Variants in DMBT1 observed in about 807,000 individuals in gnomAD.
The protein encoded by DMBT1 is scavenger receptor cysteine-rich domain-containing protein DMBT1.
In DMBT1, 198 loss-of-function variants were observed where a neutral mutation model predicts 252.9. That is an observed-to-expected ratio of 0.78 (90% CI 0.70 to 0.88). DMBT1 has a LOEUF of 0.88. DMBT1 is among the 40% of genes least tolerant of loss of function. The pLI, the probability that DMBT1 is intolerant of heterozygous loss-of-function variation, is 0.00. For missense variants in DMBT1, 2,432 were observed against 2,404.7 expected, an observed-to-expected ratio of 1.01 and a Z score of -0.24; for synonymous variants, 990 against 942.7, an observed-to-expected ratio of 1.05 and a Z score of -0.92.
In DMBT1 at chr10:122,630,384, C is replaced by T. The variant is rs1188497512; in HGVS notation, c.5919C>T (p.Thr1973=). Residue 1973 remains threonine, a synonymous_variant, in exon 48 of 56, where the codon ACC becomes ACT. Coordinates refer to ENST00000338354, the MANE Select transcript of DMBT1 (RefSeq NM_001377530.1). ...TGCTGGGGAAAATCTGTAATGATAC[C>T]AGGCAAATATTTACATCTTCTTACA... is the stretch of plus-strand genomic sequence containing the variant. ...SLLLGKICND[T]RQIFTSSYNR... The T allele has an allele frequency of 1.9e-6, 3 of 1,613,954 alleles. No homozygotes were observed. Among genetic ancestry groups the T allele is most frequent in the Non-Finnish European group, 1.7e-6 (2 of 1,179,870 alleles).
At chr10:122,630,071 G>T in intron 47 of DMBT1, 78 bp downstream of exon 47, 1 of 1,575,136 alleles carries the variant, frequency 6.3e-7, no homozygotes, top group South Asian at 1.2e-5. Context: ...GTCCTGGGCT[G>T]GGATGCTTTT....
intron 5 of DMBT1, among the ~76,000 whole-genome samples, chr10:122,572,848 G>C (rs1466171698): frequency 6.6e-6 from 1 of 152,128 alleles, no homozygotes; most frequent in African/African-American, 2.4e-5. Context: ...TGGGACTTAA[G>C]ACATAAATGT....
At chr10:122,619,436 T>G (rs2098039496) in intron 42 of DMBT1, 99 bp downstream of exon 42, 7 of 1,498,606 alleles carry the variant, frequency 4.7e-6, no homozygotes, top group Admixed American at 1.7e-5. Flanking sequence ...GTGCGGATAC[T>G]GTGGGGCATA....
chr10:122,599,387 C>G (rs886602692), intron 26 of DMBT1, among the ~76,000 whole-genome samples: 1 of 152,156 alleles, frequency 6.6e-6, no homozygotes, highest in African/African-American at 2.4e-5. Context: ...CATTTCTCCC[C>G]TGCTGAGTAG....
chr10:122,641,007 A>G (rs1399729962), intron 55 of DMBT1, among the ~76,000 whole-genome samples: 1 of 152,188 alleles, frequency 6.6e-6, no homozygotes, highest in Non-Finnish European at 1.5e-5. Context: ...TGGATGTGGC[A>G]CTGAGCACAG....
At chr10:122,625,127 AC>A (rs2098108155) in intron 44 of DMBT1, 149 bp from the exon 45 acceptor site, 16 of 738,214 alleles carry the variant, frequency 2.2e-5, no homozygotes, top group South Asian at 1.9e-4. Flanking sequence ...TTTGAGACTA[AC>A]CGTTAAGGTT....
At chr10:122,640,512 C>T (rs1380471788) in intron 55 of DMBT1, 63 bp downstream of exon 55, 5 of 1,509,268 alleles carry the variant, frequency 3.3e-6, no homozygotes, top group South Asian at 1.3e-5. Context: ...ATGAGTAGCC[C>T]CAAAGGCTTG....
At chr10:122,626,079 C>A (rs2098117090) in intron 46 of DMBT1, 114 bp downstream of exon 46, 3 of 843,088 alleles carry the variant, frequency 3.6e-6, no homozygotes, top group African/African-American at 1.7e-5. Context: ...CTGCACATAG[C>A]CCTGGCCTGT....
At chr10:122,630,061 G>A (rs1372633626) in intron 47 of DMBT1, 68 bp downstream of exon 47, 5 of 1,588,496 alleles carry the variant, frequency 3.1e-6, no homozygotes, top group Admixed American at 1.7e-5. Context: ...TTTAGACTGT[G>A]TCCTGGGCTG....
At chr10:122,634,430 TTCTCTCTCTCTCTCTCTCTCTCTCTCTC>T (rs764559052) in intron 52 of DMBT1, among the ~76,000 whole-genome samples, 40 of 74,252 alleles carry the variant, frequency 5.4e-4, no homozygotes, top group African/African-American at 1.7e-3. Flanking sequence ...TCTCTCTCTC[TTCTCTCTCTCTCTCTCTCTCTCTCTCTC>T]TCTCTCTCTC....
chr10:122,588,836 C>A lies in DMBT1; in HGVS notation c.1784-108C>A. Reference sequence around the variant, plus strand: ...TTGCAGTCATCTTTAATCGTGACTGCCTGCCCAGGTGACTTTGGCCATTAG... The same window carrying A: ...TTGCAGTCATCTTTAATCGTGACTGACTGCCCAGGTGACTTTGGCCATTAG... On this transcript the variant is annotated intron_variant, in intron 16 of 55. Coordinates refer to ENST00000338354, the MANE Select transcript of DMBT1 (RefSeq NM_001377530.1). The A allele has an allele frequency of 2.6e-6, 4 of 1,539,562 alleles. 1 individual carries two copies. The highest frequency in any genetic ancestry group is 3.5e-6 in the Non-Finnish European group (4 of 1,133,998).
In DMBT1 at chr10:122,635,870, C is replaced by T. The variant is rs370664682; in HGVS notation, c.6549-121C>T. On this transcript the variant is annotated intron_variant, in intron 52 of 55. Coordinates refer to ENST00000338354, the MANE Select transcript of DMBT1 (RefSeq NM_001377530.1). ...TGCGCCCAGCCAAGGAGACCTATGA[C>T]TTTCATCGATGAACTTTGTCAGAGT... 145 of 1,081,686 alleles carry T rather than the reference C, an allele frequency of 1.3e-4. 2 individuals are homozygous for T. The African/African-American group carries it at 2.0e-3, about 15-fold the overall frequency. 67.0% of individuals were successfully genotyped at this position (1,081,686 alleles called of 1,614,324 possible).
chr10:122,564,346 G>A (rs1292759019), intron 1 of DMBT1, among the ~76,000 whole-genome samples: 1 of 152,236 alleles, frequency 6.6e-6, no homozygotes, highest in Non-Finnish European at 1.5e-5. Flanking sequence ...ACACATGCCT[G>A]TAGTTCCAGC....
rs754949135 is a variant in DMBT1, at chr10:122,600,070, A to G, written c.3287A>G (p.Gln1096Arg). 6.2e-7 allele frequency: 1 copy of G among 1,607,254 alleles called. No homozygotes were observed. The highest frequency in any genetic ancestry group is 1.7e-5 in the Admixed American group (1 of 58,670). Residue 1096 changes from glutamine (Q) to arginine (R), a missense_variant, in exon 27 of 56, where the codon CAG (glutamine) becomes CGG (arginine). Physicochemically the swap from Gln to Arg is conservative, Grantham distance 43. This residue lies in a region of DMBT1 where 1,264 missense variants were observed against 1,082.2 expected (regional missense o/e 1.17). Coordinates refer to ENST00000338354, the MANE Select transcript of DMBT1 (RefSeq NM_001377530.1). The stretch of plus-strand genomic sequence containing the variant: ...TCTCTTCTCTTTCTCACAGCTTCCC[A>G]GTCCCGGCCAACACCTAGTCCAGGT... ...EDAGVICSASQSRPTPSPDTW... is the reference protein window; with the variant it reads ...EDAGVICSASRSRPTPSPDTW...
In DMBT1 at chr10:122,625,294, A is replaced by G. The variant is rs1403880203; in HGVS notation, c.5626A>G (p.Thr1876Ala). ...CCTTGCAGCCACCCAAATAAATTCT[A>G]CTACGACAGGTGAGTCTGCTACACC... Reference protein sequence around the residue: ...VICSATQINSTTTDWWHPTTT... With the variant: ...VICSATQINSATTDWWHPTTT... The change falls in exon 45 of 56, where the codon ACT (threonine) becomes GCT (alanine). Residue 1876 changes from threonine to alanine, a missense_variant. Physicochemically the swap from Thr to Ala is moderately conservative, Grantham distance 58. This residue lies in a region of DMBT1 where 1,162 missense variants were observed against 1,169.0 expected (regional missense o/e 0.99). Coordinates refer to ENST00000338354, the MANE Select transcript of DMBT1 (RefSeq NM_001377530.1). 47 of 1,611,044 alleles carry G rather than the reference A, an allele frequency of 2.9e-5. No homozygotes were observed. The highest frequency in any genetic ancestry group is 6.7e-5 in the East Asian group (3 of 44,864).
intron 41 of DMBT1, 131 bp downstream of exon 41, chr10:122,618,471 C>T (rs1270166627): frequency 2.0e-6 from 3 of 1,501,150 alleles, no homozygotes; most frequent in African/African-American, 2.8e-5. Flanking sequence ...CTTGTTAGCT[C>T]TCTGCTAAGA....
chr10:122,586,779 C>T (rs2097793974), intron 16 of DMBT1, among the ~76,000 whole-genome samples: 1 of 148,612 alleles, frequency 6.7e-6, no homozygotes, highest in Non-Finnish European at 1.5e-5. Context: ...ATCTGCTCGG[C>T]TTCTGCTGAG....
intron 41 of DMBT1, 36 bp from the exon 42 acceptor site, chr10:122,619,272 T>C: frequency 6.2e-7 from 1 of 1,613,830 alleles, no homozygotes; most frequent in Non-Finnish European, 8.5e-7. Context: ...TTCTGTATAG[T>C]GCATCTGATC....
intron 26 of DMBT1, 135 bp downstream of exon 26, chr10:122,599,232 G>A: frequency 6.7e-7 from 1 of 1,496,164 alleles, no homozygotes; most frequent in Non-Finnish European, 8.9e-7. Flanking sequence ...TTAGCTCTCT[G>A]CTAAGAATCC....
Sources: allele counts gnomAD v4.1 joint callset (sites outside exome capture counted in the v4.1 genomes callset), GRCh38; gene constraint gnomAD v4.1.1; regional missense constraint gnomAD v4.1.1; transcripts MANE v1.5; gene names NCBI Gene and HGNC (gene_info 2026-07-23, HGNC 2026-07-21).